Variants in MYO16 observed in about 807,000 individuals in gnomAD.
MYO16 encodes the protein unconventional myosin-XVI.
Under a neutral mutation model 205.3 loss-of-function variants are expected in MYO16, and 94 were observed. The observed-to-expected ratio is 0.46, with a 90% CI of 0.39 to 0.54. The LOEUF (loss-of-function observed/expected upper bound fraction) is 0.54. Ranked by LOEUF, MYO16 falls within the 20% of genes least tolerant of loss-of-function variation. The pLI is 0.00. For synonymous variants in MYO16, 988 were observed against 954.0 expected, an observed-to-expected ratio of 1.04 and a Z score of -0.66; for missense variants, 2,315 against 2,387.5, an observed-to-expected ratio of 0.97 and a Z score of 0.63.
At chr13:108,889,436 C>T (rs1174181575) in intron 14 of MYO16, among the ~76,000 whole-genome samples, 3 of 152,192 alleles carry the variant, frequency 2.0e-5, no homozygotes. Flanking sequence ...TAGACTGATT[C>T]TGTTGTTTAT....
chr13:108,790,769 C>G (rs755650740), intron 5 of MYO16, among the ~76,000 whole-genome samples: 4 of 152,088 alleles, frequency 2.6e-5, no homozygotes, highest in Non-Finnish European at 5.9e-5. Flanking sequence ...TATTAGGATA[C>G]AATGTAATAA....
At chr13:109,034,372 G>C (rs1338031915) in intron 23 of MYO16, among the ~76,000 whole-genome samples, 2 of 152,160 alleles carry the variant, frequency 1.3e-5, no homozygotes, top group African/African-American at 4.8e-5. Context: ...GCCCTGTGCT[G>C]GTCTTGTGAC....
rs192230709 is a variant in MYO16, at chr13:109,207,019, T to G, written c.*183T>G. The G allele has an allele frequency of 7.9e-5, 46 of 580,406 alleles. No homozygotes were observed. Among genetic ancestry groups the G allele is most frequent in the African/African-American group, 7.5e-4 (40 of 53,448 alleles). 36.0% of individuals were successfully genotyped at this position (580,406 alleles called of 1,614,324 possible). A position where few individuals can be genotyped will look rare whatever the true frequency, so the allele number is the denominator to read the frequency against. On this transcript the variant is annotated 3_prime_UTR_variant, in exon 35 of 35. Coordinates refer to ENST00000457511, the MANE Select transcript of MYO16 (RefSeq NM_001198950.3). The stretch of plus-strand genomic sequence containing the variant: ...GTGTGTGTGTGTTTGTGTGTGTGTG[T>G]GTGGGTTCTTTCTTATCCATCTCGT...
intron 27 of MYO16, among the ~76,000 whole-genome samples, chr13:109,095,006 TC>T (rs1888734662): frequency 6.6e-6 from 1 of 152,170 alleles, no homozygotes. Flanking sequence ...CCTAGGAGCA[TC>T]CCCAGCACAG....
intron 15 of MYO16, among the ~76,000 whole-genome samples, chr13:108,908,595 T>G (rs879554801): frequency 1.2e-4 from 19 of 152,200 alleles, no homozygotes; most frequent in Non-Finnish European, 2.5e-4. Flanking sequence ...GAACTGCCAT[T>G]CTTTAACACC....
chr13:108,546,654 C>T, the MYO16 span, among the ~76,000 whole-genome samples: 300 of 152,174 alleles, frequency 2.0e-3, no homozygotes, highest in African/African-American at 6.8e-3. Context: ...TAGCATTTCA[C>T]GGATACCTGA....
chr13:108,961,285 T>G (rs890052863), intron 17 of MYO16, among the ~76,000 whole-genome samples: 11 of 152,182 alleles, frequency 7.2e-5, no homozygotes, highest in Non-Finnish European at 1.5e-4. Context: ...TATCAGAATA[T>G]TATTTCCTGA....
At chr13:108,729,563 C>T (rs1234443033) in intron 4 of MYO16, among the ~76,000 whole-genome samples, 1 of 151,880 alleles carries the variant, frequency 6.6e-6, no homozygotes, top group Non-Finnish European at 1.5e-5. Flanking sequence ...TTTTCTCTGA[C>T]TAATTATTAT....
chr13:108,762,297 A>G (rs1885635660), intron 4 of MYO16, among the ~76,000 whole-genome samples: 1 of 152,114 alleles, frequency 6.6e-6, no homozygotes, highest in African/African-American at 2.4e-5. Context: ...TGGTGCTGCA[A>G]TAAACACATG....
chr13:108,844,429 A>T lies in MYO16; in HGVS notation c.1184A>T (p.Lys395Met), dbSNP rs1877410921. 1 of 1,613,308 alleles carries T rather than the reference A, an allele frequency of 6.2e-7. No individual in the cohort carries two copies. The highest frequency in any genetic ancestry group is 8.5e-7 in the Non-Finnish European group (1 of 1,179,456). The change falls in exon 10 of 35, where the codon AAG (lysine) becomes ATG (methionine). Residue 395 changes from lysine to methionine, a missense_variant. This residue lies in a region of MYO16 where 1,213 missense variants were observed against 1,274.4 expected (regional missense o/e 0.95). Transcript: ENST00000457511. ...AAAGATGCAACAAAAGGTCTGTGTA[A>T]GCAGCAGTCTCAGGACAGCATCCCT... is the stretch of plus-strand genomic sequence containing the variant. ...MFKDATKGLC[K>M]QQSQDSIPEN...
At chr13:108,857,870 C>G (rs765739109) in intron 11 of MYO16, among the ~76,000 whole-genome samples, 4 of 152,120 alleles carry the variant, frequency 2.6e-5, no homozygotes, top group Non-Finnish European at 5.9e-5. Context: ...TTCTTGATCA[C>G]CTGAACTATT....
chr13:109,202,226 G>A lies in MYO16; in HGVS notation c.5416-4383G>A, dbSNP rs528776423. Among the ~76,000 whole-genome samples, 8 of 152,086 alleles carry A rather than the reference G, an allele frequency of 5.3e-5. No individual in the cohort carries two copies. The East Asian group carries it at 1.5e-3, about 29-fold the overall frequency. On this transcript the variant is annotated intron_variant, in intron 34 of 34. Transcript: ENST00000457511. ...TTCCTCTGGGTAGATACTCAGTAGT[G>A]GGATTGCTGAGTCAAATGGTAATTC... is the stretch of plus-strand genomic sequence containing the variant.
intron 2 of MYO16, among the ~76,000 whole-genome samples, chr13:108,685,127 A>C (rs553220383): frequency 1.3e-5 from 2 of 150,870 alleles, no homozygotes; most frequent in South Asian, 2.1e-4. Flanking sequence ...GGTTCAAGCC[A>C]TTCTCCTGCC....
In MYO16 at chr13:108,785,632, T is replaced by G. The variant is rs1304348205; in HGVS notation, c.508-3T>G. Reference sequence around the variant, plus strand: ...GATGTTATATTTTTTTCTTTTTATCTAGGCTGGAGCCAATGTCCTTCTCCA... The same window carrying G: ...GATGTTATATTTTTTTCTTTTTATCGAGGCTGGAGCCAATGTCCTTCTCCA... On this transcript the variant is annotated splice_polypyrimidine_tract_variant and splice_region_variant and intron_variant, in intron 4 of 34. Coordinates refer to ENST00000457511, the MANE Select transcript of MYO16 (RefSeq NM_001198950.3). 2 of 1,586,370 alleles carry G rather than the reference T, an allele frequency of 1.3e-6. No homozygotes were observed. Among genetic ancestry groups the G allele is most frequent in the South Asian group, 2.3e-5 (2 of 86,898 alleles).
At chr13:109,023,807 ATATATT>A (rs983450456) in intron 23 of MYO16, among the ~76,000 whole-genome samples, 10 of 135,984 alleles carry the variant, frequency 7.4e-5, no homozygotes, top group African/African-American at 2.4e-4. Flanking sequence ...ATTTATATAC[ATATATT>A]TATATTTTAT....
chr13:108,700,797 T>C (rs1413821993), intron 2 of MYO16, among the ~76,000 whole-genome samples: 1 of 152,138 alleles, frequency 6.6e-6, no homozygotes, highest in Non-Finnish European at 1.5e-5. Flanking sequence ...CATAGAGTAC[T>C]TCGAAAAACT....
chr13:109,043,858 G>T (rs1056713493), intron 23 of MYO16, among the ~76,000 whole-genome samples: 10 of 152,108 alleles, frequency 6.6e-5, no homozygotes, highest in African/African-American at 2.4e-4. Flanking sequence ...AAGTGAGAGA[G>T]TATTGAATTT....
the MYO16 span, among the ~76,000 whole-genome samples, chr13:108,552,831 A>C: frequency 0.41 from 62,432 of 151,432 alleles, 14,048 homozygotes; most frequent in East Asian, 0.62. Flanking sequence ...AAGGTGATGC[A>C]TCTGTGGAGG....
intron 5 of MYO16, among the ~76,000 whole-genome samples, chr13:108,793,142 C>T (rs992899305): frequency 9.2e-5 from 14 of 151,996 alleles, no homozygotes; most frequent in Admixed American, 2.6e-4. Context: ...AAAAATTAGC[C>T]GGGCGCAGTG....
Sources: allele counts gnomAD v4.1 joint callset (sites outside exome capture counted in the v4.1 genomes callset), GRCh38; gene constraint gnomAD v4.1.1; regional missense constraint gnomAD v4.1.1; transcripts MANE v1.5; gene names NCBI Gene and HGNC (gene_info 2026-07-23, HGNC 2026-07-21).